Variants in BRINP3 observed in about 807,000 individuals in gnomAD.
BRINP3 encodes BMP/retinoic acid inducible neural specific 3.
In BRINP3, 19 loss-of-function variants were observed where a neutral mutation model predicts 71.0. That is an observed-to-expected ratio of 0.27 (90% CI 0.19 to 0.39). BRINP3 has a LOEUF of 0.39. BRINP3 is among the 10% of genes least tolerant of loss of function. The pLI is 1.00. For synonymous variants in BRINP3, 380 were observed against 337.7 expected (o/e 1.13, Z -1.37); for missense variants, 959 against 940.8 (o/e 1.02, Z -0.25).
chr1:190,219,495 T>C (rs1369496869), intron 6 of BRINP3, among the ~76,000 whole-genome samples: 1 of 151,982 alleles, frequency 6.6e-6, no homozygotes, highest in Non-Finnish European at 1.5e-5. Context: ...AACAGTAGAA[T>C]GGACCAAGCA....
Position 190,437,235 on chromosome 1 carries a change from C to A in BRINP3, c.236+17420G>T, listed in dbSNP as rs79797659. On this transcript the variant is annotated intron_variant, in intron 2 of 7. Coordinates refer to ENST00000367462, the MANE Select transcript of BRINP3 (RefSeq NM_199051.3). ...GTTCTCTTATCCAACAGATACAAGACCTTGGACAATTTATTTAACTTTTTG... is the reference window on the plus strand; with the variant it reads ...GTTCTCTTATCCAACAGATACAAGAACTTGGACAATTTATTTAACTTTTTG... 2.6e-5 allele frequency among the ~76,000 whole-genome samples: 4 copies of A among 151,660 alleles called. No individual in the cohort carries two copies. In the East Asian group the frequency reaches 7.7e-4, roughly 29 times the overall value.
intron 6 of BRINP3, among the ~76,000 whole-genome samples, chr1:190,165,195 A>G: frequency 6.6e-6 from 1 of 152,082 alleles, no homozygotes; most frequent in East Asian, 1.9e-4. Flanking sequence ...ATTTGTTTTT[A>G]CACACAAAAA....
intron 2 of BRINP3, among the ~76,000 whole-genome samples, chr1:190,420,517 A>T (rs1673306975): frequency 6.6e-6 from 1 of 151,966 alleles, no homozygotes; most frequent in Non-Finnish European, 1.5e-5. Flanking sequence ...CTCTAAAAGA[A>T]GATTTCACAT....
intron 6 of BRINP3, among the ~76,000 whole-genome samples, chr1:190,211,202 G>T (rs1013106223): frequency 1.3e-5 from 2 of 152,060 alleles, no homozygotes; most frequent in African/African-American, 4.8e-5. Context: ...AGAGGTGGAG[G>T]TTGCAGTGAT....
At chr1:190,348,114 G>A (rs1358361346) in intron 2 of BRINP3, among the ~76,000 whole-genome samples, 1 of 152,110 alleles carries the variant, frequency 6.6e-6, no homozygotes, top group Non-Finnish European at 1.5e-5. Context: ...TAATAGGGAA[G>A]AGAAGCTTTT....
chr1:190,214,272 T>C (rs545885375), intron 6 of BRINP3, among the ~76,000 whole-genome samples: 2 of 152,216 alleles, frequency 1.3e-5, no homozygotes, highest in South Asian at 2.1e-4. Flanking sequence ...ATAATATGTC[T>C]GGGATAAATA....
At chr1:190,268,931 T>C (rs1419642901) in intron 3 of BRINP3, among the ~76,000 whole-genome samples, 1 of 152,102 alleles carries the variant, frequency 6.6e-6, no homozygotes, top group African/African-American at 2.4e-5. Context: ...TCAAAATATA[T>C]CAGTTTATAT....
intron 7 of BRINP3, among the ~76,000 whole-genome samples, chr1:190,142,560 T>G (rs1571824150): frequency 6.6e-6 from 1 of 152,188 alleles, no homozygotes; most frequent in South Asian, 2.1e-4. Context: ...TACAAAGGTA[T>G]AGTTTATCTT....
chr1:190,442,366 C>T (rs1251075230), intron 2 of BRINP3, among the ~76,000 whole-genome samples: 1 of 152,116 alleles, frequency 6.6e-6, no homozygotes, highest in Non-Finnish European at 1.5e-5. Flanking sequence ...ATTTTTTAAG[C>T]CTTTGTTAAT....
rs918327889 is a variant in BRINP3, at chr1:190,119,623, T to C, written c.1185-20489A>G. On this transcript the variant is annotated intron_variant, in intron 7 of 7. Coordinates refer to ENST00000367462, the MANE Select transcript of BRINP3 (RefSeq NM_199051.3). ...TTTTTAATCACCTATTGTCAATAAG[T>C]TTCACTTATACTGAGTGCAGGTGTT... is the stretch of plus-strand genomic sequence containing the variant. Among the ~76,000 whole-genome samples, 36 of 152,286 alleles carry C rather than the reference T, an allele frequency of 2.4e-4. 1 individual carries two copies. Among genetic ancestry groups the C allele is most frequent in the African/African-American group, 8.4e-4 (35 of 41,564 alleles).
At chr1:190,215,128 T>TC (rs1199348452) in intron 6 of BRINP3, among the ~76,000 whole-genome samples, 1 of 150,812 alleles carries the variant, frequency 6.6e-6, no homozygotes, top group Non-Finnish European at 1.5e-5. Flanking sequence ...ATCTTGCGTC[T>TC]CCCCCAAATA....
intron 2 of BRINP3, among the ~76,000 whole-genome samples, chr1:190,333,759 G>A (rs532923476): frequency 1.6e-4 from 25 of 151,918 alleles, no homozygotes; most frequent in Non-Finnish European, 2.9e-4. Flanking sequence ...ACATTTCCTG[G>A]GAAAAGGAGT....
chr1:190,431,181 T>C (rs979629492), intron 2 of BRINP3, among the ~76,000 whole-genome samples: 5 of 152,152 alleles, frequency 3.3e-5, no homozygotes, highest in African/African-American at 1.2e-4. Context: ...AGAAATGTAA[T>C]GAAAATTTGA....
intron 2 of BRINP3, among the ~76,000 whole-genome samples, chr1:190,444,747 A>G (rs1164037742): frequency 6.6e-6 from 1 of 151,878 alleles, no homozygotes; most frequent in Non-Finnish European, 1.5e-5. Context: ...TATTTGCCAG[A>G]CTGGTCTCGA....
At chr1:190,266,619 A>C (rs1661685089) in intron 3 of BRINP3, among the ~76,000 whole-genome samples, 1 of 152,212 alleles carries the variant, frequency 6.6e-6, no homozygotes, top group South Asian at 2.1e-4. Flanking sequence ...AACAAACAAA[A>C]AATCCCCTAC....
chr1:190,392,573 T>C (rs532478017), intron 2 of BRINP3, among the ~76,000 whole-genome samples: 101 of 151,718 alleles, frequency 6.7e-4, no homozygotes, highest in Non-Finnish European at 1.1e-3. Flanking sequence ...TCTAAAAAGG[T>C]CACTTTTGAT....
At chr1:190,466,257 C>A (rs1676738456) in intron 1 of BRINP3, among the ~76,000 whole-genome samples, 1 of 151,408 alleles carries the variant, frequency 6.6e-6, no homozygotes, top group South Asian at 2.1e-4. Flanking sequence ...AAGAACAATT[C>A]TCAATACTGG....
chr1:190,160,967 T>A, intron 6 of BRINP3, 77 bp from the exon 7 acceptor site: 1 of 966,816 alleles, frequency 1.0e-6, no homozygotes, highest in Non-Finnish European at 1.6e-6. Context: ...ATGTCAATAT[T>A]AAGAACAAAT....
chr1:190,301,883 A>AT (rs1015823885), intron 2 of BRINP3, among the ~76,000 whole-genome samples: 1 of 151,902 alleles, frequency 6.6e-6, no homozygotes, highest in African/African-American at 2.4e-5. Flanking sequence ...ATAGAAAAAC[A>AT]TTTTTTCAGC....
Sources: allele counts gnomAD v4.1 joint callset (sites outside exome capture counted in the v4.1 genomes callset), GRCh38; gene constraint gnomAD v4.1.1; transcripts MANE v1.5; gene names NCBI Gene and HGNC (gene_info 2026-07-23, HGNC 2026-07-21).